The following HLA-DRB1 variants were observed in gnomAD, a reference collection of about 807,000 sequenced individuals.
HLA-DRB1 encodes the protein major histocompatibility complex, class II, DR beta 1 precursor.
A neutral mutation model predicts 27.9 loss-of-function variants in HLA-DRB1; 10 were observed. The ratio of observed to expected loss-of-function variants is 0.36; its 90% confidence interval spans 0.22 to 0.61. The LOEUF is 0.61. Ranked by LOEUF, HLA-DRB1 falls within the 20% of genes least tolerant of loss-of-function variation. The probability of loss-of-function intolerance (pLI) is 0.73; values close to 1 mark genes in which losing one functional copy is unlikely to be tolerated. For synonymous variants in HLA-DRB1, 57 were observed against 126.7 expected (o/e 0.45, Z 3.69); for missense variants, 118 against 306.3 (o/e 0.39, Z 4.59).
chr6:32,583,878 A>T (rs9269928), intron 2 of HLA-DRB1, among the ~76,000 whole-genome samples: 5,352 of 30,816 alleles, frequency 0.17, 647 homozygotes, highest in Middle Eastern at 0.26. Flanking sequence ...CACAACAGAC[A>T]CACAGACACA....
At chr6:32,585,505 TAATAAAC>T (rs66769181) in intron 1 of HLA-DRB1, among the ~76,000 whole-genome samples, 5,498 of 90,716 alleles carry the variant, frequency 0.061, 156 homozygotes, top group East Asian at 0.093. Flanking sequence ...ACTGATCACA[TAATAAAC>T]ACTCGAATAC....
In HLA-DRB1 at chr6:32,584,438, C is replaced by A. The variant is rs1446426984; in HGVS notation, c.101-60G>T. 3 of 716,910 alleles carry A rather than the reference C, an allele frequency of 4.2e-6. No homozygotes were observed. In the African/African-American group the frequency reaches 7.9e-5, roughly 19 times the overall value. The allele number at this position is 716,910 out of a possible 1,614,324, so 44.4% of individuals were successfully genotyped here. A position where few individuals can be genotyped will look rare whatever the true frequency, so the allele number is the denominator to read the frequency against. ...CCTCCTGAGAAGACACGGACAGCGA[C>A]GCCACCATCCGGGGCTCCCTGAGCG... is the stretch of plus-strand genomic sequence containing the variant. On this transcript the variant is annotated intron_variant, in intron 1 of 5. Coordinates refer to ENST00000360004, the Ensembl canonical transcript of HLA-DRB1.
At chr6:32,582,838 G>A (rs9269864) in intron 2 of HLA-DRB1, among the ~76,000 whole-genome samples, 15,890 of 97,584 alleles carry the variant, frequency 0.16, 2,381 homozygotes, top group Admixed American at 0.18. Flanking sequence ...GAAAATCCCC[G>A]ACACTAGCAT....
chr6:32,580,951 G>T (rs9269769), intron 3 of HLA-DRB1, 95 bp from the exon 4 acceptor site: 192,242 of 751,616 alleles, frequency 0.26, 3,613 homozygotes, highest in Middle Eastern at 0.32. Context: ...GGGGCAGAAA[G>T]CTGCCTCACA....
At chr6:32,586,644 G>T (rs201412310) in intron 1 of HLA-DRB1, among the ~76,000 whole-genome samples, 4,337 of 50,092 alleles carry the variant, frequency 0.087, 642 homozygotes, top group Non-Finnish European at 0.1. Flanking sequence ...TATTGCTGCT[G>T]CCAACATAAA....
chr6:32,582,159 G>A (rs9269830), intron 2 of HLA-DRB1, among the ~76,000 whole-genome samples: 81,029 of 117,502 alleles, frequency 0.69, 30,364 homozygotes, highest in Middle Eastern at 0.82. Flanking sequence ...TGCCTGGTTC[G>A]AATCCAAGGT....
chr6:32,589,257 C>T (rs28366202), intron 1 of HLA-DRB1, among the ~76,000 whole-genome samples: 533 of 133,938 alleles, frequency 4.0e-3, no homozygotes, highest in East Asian at 0.024. Flanking sequence ...TTTGAATTCC[C>T]TTGACTCCCA....
At chr6:32,580,709 A>G (rs769695198) in intron 4 of HLA-DRB1, 37 bp downstream of exon 4, 24 of 1,552,994 alleles carry the variant, frequency 1.5e-5, no homozygotes, top group Admixed American at 3.5e-5. Flanking sequence ...CCTCCAGAAA[A>G]GCCTATGGAG....
intron 1 of HLA-DRB1, among the ~76,000 whole-genome samples, chr6:32,586,043 TAAATATTGGCTGTGTG>T (rs1776334321): frequency 0.04 from 3,228 of 80,414 alleles, no homozygotes; most frequent in Middle Eastern, 0.1. Flanking sequence ...ATGTCACTAA[TAAATATTGGCTGTGTG>T]AAATACTGGC....
chr6:32,582,773 C>G (rs28724008), intron 2 of HLA-DRB1, among the ~76,000 whole-genome samples: 15,359 of 106,028 alleles, frequency 0.14, 2,149 homozygotes, highest in East Asian at 0.25. Flanking sequence ...TTTCCAGAAT[C>G]ACATTTGGAT....
intron 1 of HLA-DRB1, 110 bp downstream of exon 1, chr6:32,589,533 T>C (rs28366215): frequency 0.026 from 6,735 of 262,472 alleles, 41 homozygotes; most frequent in African/African-American, 0.12. Context: ...ATGGGCAATC[T>C]CTGAAGAAAA....
intron 1 of HLA-DRB1, among the ~76,000 whole-genome samples, chr6:32,586,094 A>C (rs9270054): frequency 0.72 from 94,318 of 130,380 alleles, 35,215 homozygotes; most frequent in Middle Eastern, 0.84. Flanking sequence ...GCTGTGTGAC[A>C]TTTTGCATGA....
intron 3 of HLA-DRB1, among the ~76,000 whole-genome samples, chr6:32,581,199 C>T (rs28732307): frequency 0.3 from 15,529 of 51,230 alleles, 3,576 homozygotes; most frequent in Middle Eastern, 0.44. Flanking sequence ...TAGGCCCCTA[C>T]ACTTCTCCTC....
In HLA-DRB1 at chr6:32,580,978, G is replaced by A. The variant is rs28993487; in HGVS notation, c.653-122C>T. 2,364 of 601,220 alleles carry A rather than the reference G, an allele frequency of 3.9e-3. 2 individuals are homozygous for A. The highest frequency in any genetic ancestry group is 0.012 in the Admixed American group (244 of 20,982). The allele number at this position is 601,220 out of a possible 1,614,324, so 37.2% of individuals were successfully genotyped here. A position where few individuals can be genotyped will look rare whatever the true frequency, so the allele number is the denominator to read the frequency against. ...TGCCTCACAAGAACTAAAATAACTAGCCATTTCAGGAGAAAAAAAGGATTT... is the reference window on the plus strand; with the variant it reads ...TGCCTCACAAGAACTAAAATAACTAACCATTTCAGGAGAAAAAAAGGATTT... On this transcript the variant is annotated intron_variant, in intron 3 of 5. Coordinates refer to ENST00000360004, the Ensembl canonical transcript of HLA-DRB1.
chr6:32,584,554 G>C (rs765291187), intron 1 of HLA-DRB1, among the ~76,000 whole-genome samples, 176 bp from the exon 2 acceptor site: 26,746 of 131,624 alleles, frequency 0.2, 3,049 homozygotes, highest in East Asian at 0.25. Context: ...TGAGGCGAAC[G>C]GGGGCCTGGG....
rs200239201 is a variant in HLA-DRB1 at position 32,580,367 on chromosome 6, C to G, written c.764-97G>C. On this transcript the variant is annotated intron_variant, in intron 4 of 5. Transcript: ENST00000360004. ...GCCCCAGATCTCCCACCTGAGATTT[C>G]TCTAACACCACAACCCACACCAACC... 0.011 allele frequency: 2,486 copies of G among 227,134 alleles called. 1 individual carries two copies. In the Middle Eastern group the frequency reaches 0.23, roughly 21 times the overall value. 14.1% of individuals were successfully genotyped at this position (227,134 alleles called of 1,614,324 possible).
chr6:32,587,773 C>T (rs1776698703), intron 1 of HLA-DRB1, among the ~76,000 whole-genome samples: 2 of 143,360 alleles, frequency 1.4e-5, no homozygotes, highest in Admixed American at 7.1e-5. Context: ...CTATGACTCT[C>T]TAACATTATC....
At chr6:32,583,601 T>C (rs9469176) in intron 2 of HLA-DRB1, among the ~76,000 whole-genome samples, 3 of 61,076 alleles carry the variant, frequency 4.9e-5, no homozygotes, top group African/African-American at 6.8e-5. Context: ...AGCACACACT[T>C]TTAATTCAGA....
chr6:32,585,325 A>G (rs36102592), intron 1 of HLA-DRB1, among the ~76,000 whole-genome samples: 1,043 of 63,460 alleles, frequency 0.016, no homozygotes, highest in East Asian at 0.033. Flanking sequence ...ATGATGGTCA[A>G]ACTCTCAAAC....
Sources: allele counts gnomAD v4.1 joint callset (sites outside exome capture counted in the v4.1 genomes callset), GRCh38; gene constraint gnomAD v4.1.1; transcripts MANE v1.5; gene names NCBI Gene and HGNC (gene_info 2026-07-23, HGNC 2026-07-21).